ARHGEF7: variants seen among roughly 807,000 people sequenced by gnomAD.
The protein encoded by ARHGEF7 is Rho guanine nucleotide exchange factor 7.
A neutral mutation model predicts 109.8 loss-of-function variants in ARHGEF7; 33 were observed. That is an observed-to-expected ratio of 0.30 (90% CI 0.23 to 0.40). The LOEUF is 0.40. ARHGEF7 is among the 10% of genes least tolerant of loss of function. ARHGEF7 has a pLI of 1.00. For missense variants in ARHGEF7, 938 were observed against 1,098.5 expected (o/e 0.85, Z 2.07); for synonymous variants, 458 against 424.6 (o/e 1.08, Z -0.97).
At chr13:111,153,326 G>GC (rs1374536610) in intron 1 of ARHGEF7, among the ~76,000 whole-genome samples, 1 of 152,220 alleles carries the variant, frequency 6.6e-6, no homozygotes, top group African/African-American at 2.4e-5. Context: ...CGGTGTCTGC[G>GC]CTAGGGGCCG....
chr13:111,296,679 A>C (rs116302796), intron 19 of ARHGEF7, among the ~76,000 whole-genome samples: 1 of 152,342 alleles, frequency 6.6e-6, no homozygotes, highest in African/African-American at 2.4e-5. Flanking sequence ...AGATGTTAAT[A>C]ATGATATTTA....
chr13:111,204,821 G>C (rs957169687), intron 2 of ARHGEF7, among the ~76,000 whole-genome samples: 1 of 152,198 alleles, frequency 6.6e-6, no homozygotes, highest in South Asian at 2.1e-4. Flanking sequence ...TCTGCTCTCT[G>C]ATGTCCGCAT....
chr13:111,227,248 T>G (rs903134198), intron 5 of ARHGEF7, among the ~76,000 whole-genome samples: 2 of 152,258 alleles, frequency 1.3e-5, no homozygotes, highest in Non-Finnish European at 2.9e-5. Flanking sequence ...AGATTGACTC[T>G]TAATTTTGTA....
chr13:111,289,114 C>G (rs1035559453), intron 18 of ARHGEF7, among the ~76,000 whole-genome samples: 4 of 152,126 alleles, frequency 2.6e-5, no homozygotes, highest in African/African-American at 9.7e-5. Context: ...TCACTGCAAC[C>G]TCTGCCTCCT....
At chr13:111,220,620 C>A (rs999523122) in intron 5 of ARHGEF7, among the ~76,000 whole-genome samples, 7 of 152,050 alleles carry the variant, frequency 4.6e-5, no homozygotes, top group African/African-American at 1.7e-4. Context: ...ATGCTGTTAC[C>A]CCTGATAGCC....
intron 15 of ARHGEF7, chr13:111,281,089 G>C (rs1369305191): frequency 6.6e-6 from 1 of 152,610 alleles, no homozygotes; most frequent in Admixed American, 6.6e-5. Flanking sequence ...CATGTTGAAG[G>C]CATTAAAAGA....
chr13:111,289,054 C>T (rs374102066), intron 18 of ARHGEF7, among the ~76,000 whole-genome samples: 7 of 151,552 alleles, frequency 4.6e-5, no homozygotes, highest in South Asian at 2.1e-4. Context: ...TTTTTGGAGA[C>T]GGAGTCTCGC....
intron 1 of ARHGEF7, chr13:111,144,256 A>G (rs1421639614): frequency 6.6e-6 from 1 of 152,254 alleles, no homozygotes; most frequent in African/African-American, 2.4e-5. Flanking sequence ...CATTTCATTT[A>G]GAGTTGGGCT....
At chr13:111,223,804 A>G (rs144785088) in intron 5 of ARHGEF7, among the ~76,000 whole-genome samples, 90 of 151,504 alleles carry the variant, frequency 5.9e-4, no homozygotes, top group African/African-American at 2.1e-3. Flanking sequence ...GTCACTTAGC[A>G]TTTATTTTCT....
Position 111,145,016 on chromosome 13 carries a change from C to T in ARHGEF7, c.166-8889C>T, listed in dbSNP as rs761208959. Among the ~76,000 whole-genome samples the T allele has an allele frequency of 2.7e-5, 4 of 145,692 alleles. No individual in the cohort carries two copies. Among genetic ancestry groups the T allele is most frequent in the Non-Finnish European group, 6.0e-5 (4 of 66,708 alleles). Reference sequence around the variant, plus strand: ...AGCTCCATGCATTTCTAAACACCTACATACATTTTCTTCTTGCTTTTTTTT... The same window carrying T: ...AGCTCCATGCATTTCTAAACACCTATATACATTTTCTTCTTGCTTTTTTTT... On this transcript the variant is annotated intron_variant, in intron 1 of 21. Coordinates refer to ENST00000646102, the MANE Select transcript of ARHGEF7 (RefSeq NM_001354046.2). This position sits in a 1 kb window ranked among gnomAD's most constrained non-coding sequence, Gnocchi z 4.3.
At position 111,130,304 on chromosome 13, in the gene ARHGEF7, T is replaced by C. The variant is rs73633235; in HGVS notation, c.165+14613T>C. Among the ~76,000 whole-genome samples, 983 of 152,286 alleles carry C rather than the reference T, an allele frequency of 6.5e-3. 15 individuals are homozygous for C. Among genetic ancestry groups the C allele is most frequent in the African/African-American group, 0.023 (954 of 41,552 alleles). ...TCAGGTTGCACTATGTCAAAACTTA[T>C]CAAAGTGCACAGTTTACATATGAGC... On this transcript the variant is annotated intron_variant, in intron 1 of 21. Transcript: ENST00000646102.
intron 2 of ARHGEF7, among the ~76,000 whole-genome samples, chr13:111,195,831 G>A (rs2080435389): frequency 6.6e-6 from 1 of 152,160 alleles, no homozygotes; most frequent in South Asian, 2.1e-4. Flanking sequence ...TGTCTTCTCT[G>A]AACCACCAAG....
intron 1 of ARHGEF7, among the ~76,000 whole-genome samples, chr13:111,127,516 A>G (rs1397428345): frequency 6.6e-6 from 1 of 151,764 alleles, no homozygotes; most frequent in African/African-American, 2.4e-5. Context: ...AATTAGCTGG[A>G]TGTGCCTCTG....
intron 2 of ARHGEF7, 36 bp downstream of exon 2, chr13:111,154,027 G>T (rs1174153513): frequency 6.3e-7 from 1 of 1,576,238 alleles, no homozygotes; most frequent in South Asian, 1.1e-5. Context: ...GGGAGGGGCC[G>T]GGAAGACGGG....
Position 111,131,139 on chromosome 13 carries a change from A to G in ARHGEF7, c.165+15448A>G, listed in dbSNP as rs2074724256. On this transcript the variant is annotated intron_variant, in intron 1 of 21. Transcript: ENST00000646102. This position sits in a 1 kb window ranked among gnomAD's most constrained non-coding sequence, Gnocchi z 4.4. ...GGAGAACAGATGAAATGAGCCCAGG[A>G]TGGAGGATGTGAAGATGGTTATGAA... Among the ~76,000 whole-genome samples, 1 of 152,170 alleles carries G rather than the reference A, an allele frequency of 6.6e-6. No homozygotes were observed. Among genetic ancestry groups the G allele is most frequent in the African/African-American group, 2.4e-5 (1 of 41,440 alleles).
At chr13:111,221,206 G>GAC (rs1555371974) in intron 5 of ARHGEF7, among the ~76,000 whole-genome samples, 5 of 51,474 alleles carry the variant, frequency 9.7e-5, no homozygotes, top group Middle Eastern at 0.021. Context: ...TATCTATATA[G>GAC]ATATATATGT....
intron 2 of ARHGEF7, among the ~76,000 whole-genome samples, chr13:111,155,411 A>T (rs906080742): frequency 6.6e-6 from 1 of 152,260 alleles, no homozygotes; most frequent in Non-Finnish European, 1.5e-5. Flanking sequence ...ATGATTGTAA[A>T]CACAAAGAAA....
At chr13:111,133,812 T>TATATATATATATAAATAA (rs1555341569) in intron 1 of ARHGEF7, among the ~76,000 whole-genome samples, 5 of 62,568 alleles carry the variant, frequency 8.0e-5, no homozygotes, top group African/African-American at 1.6e-4. Context: ...TATATATATA[T>TATATATATATATAAATAA]ATTTATTATA....
chr13:111,205,966 G>A (rs2081779495), intron 3 of ARHGEF7, among the ~76,000 whole-genome samples: 1 of 152,148 alleles, frequency 6.6e-6, no homozygotes, highest in South Asian at 2.1e-4. Context: ...TCCTCTGAGG[G>A]AAGGTGCATG....
Sources: allele counts gnomAD v4.1 joint callset (sites outside exome capture counted in the v4.1 genomes callset), GRCh38; gene constraint gnomAD v4.1.1; non-coding constraint Gnocchi (gnomAD v3.1); transcripts MANE v1.5; gene names NCBI Gene and HGNC (gene_info 2026-07-23, HGNC 2026-07-21).